Variants in VANGL2 observed in about 807,000 individuals in gnomAD.
VANGL2 encodes vang-like protein 2.
Under a neutral mutation model 50.2 loss-of-function variants are expected in VANGL2, and 14 were observed. That is an observed-to-expected ratio of 0.28 (90% CI 0.18 to 0.44). The LOEUF (loss-of-function observed/expected upper bound fraction) is 0.44, where lower values mean the gene tolerates loss of function less well. Ranked by LOEUF, VANGL2 falls within the 20% of genes least tolerant of loss-of-function variation. The probability of loss-of-function intolerance (pLI) is 1.00; values close to 1 mark genes in which losing one functional copy is unlikely to be tolerated. For synonymous variants in VANGL2, 295 were observed against 297.2 expected (o/e 0.99, Z 0.08); for missense variants, 533 against 701.5 (o/e 0.76, Z 2.71).
chr1:160,424,047 C>T lies in VANGL2; in HGVS notation c.1074-5C>T. ...CATCTGGCCCAGTCCCCTCCTGTCC[C>T]CTAGGCTTGTAGTGGCGGTGGAGGA... On this transcript the variant is annotated splice_region_variant and splice_polypyrimidine_tract_variant and intron_variant, in intron 6 of 7. Coordinates refer to ENST00000368061, the MANE Select transcript of VANGL2 (RefSeq NM_020335.3). 6.2e-7 allele frequency: 1 copy of T among 1,613,948 alleles called. No individual in the cohort carries two copies. Among genetic ancestry groups the T allele is most frequent in the East Asian group, 2.2e-5 (1 of 44,884 alleles).
Position 160,407,019 on chromosome 1 carries a change from C to T in VANGL2, c.-191+6150C>T, listed in dbSNP as rs532999546. On this transcript the variant is annotated intron_variant, in intron 1 of 7. Coordinates refer to ENST00000368061, the MANE Select transcript of VANGL2 (RefSeq NM_020335.3). ...CTGGGATCACAGGCGTGAGCCACCA[C>T]GCCCGGCCCAGGGGGTCTGGTTTTT... Among the ~76,000 whole-genome samples, 8 of 152,180 alleles carry T rather than the reference C, an allele frequency of 5.3e-5. No individual in the cohort carries two copies. The East Asian group carries it at 5.8e-4, about 11-fold the overall frequency.
rs367760312 is a variant in VANGL2 at position 160,425,412 on chromosome 1, G to A, written c.*34G>A. The A allele has an allele frequency of 2.1e-6, 3 of 1,447,178 alleles. No homozygotes were observed. Among genetic ancestry groups the A allele is most frequent in the Non-Finnish European group, 1.9e-6 (2 of 1,077,600 alleles). The allele number at this position is 1,447,178 out of a possible 1,614,324, so 89.6% of individuals were successfully genotyped here. A position where few individuals can be genotyped will look rare whatever the true frequency, so the allele number is the denominator to read the frequency against. ...CAGCAGGGGGAGTGGGAAACTCTGG[G>A]GGGTCCTGAGGGGGTGGGAGGGGGC... On this transcript the variant is annotated 3_prime_UTR_variant, in exon 8 of 8. Transcript: ENST00000368061.
At chr1:160,420,797 C>T (rs1330685672) in intron 5 of VANGL2, among the ~76,000 whole-genome samples, 3 of 152,216 alleles carry the variant, frequency 2.0e-5, no homozygotes, top group Admixed American at 6.5e-5. Flanking sequence ...GGTCTAAGCC[C>T]TTTGGCTCTC....
chr1:160,425,042 G>T, intron 7 of VANGL2, 76 bp from the exon 8 acceptor site: 1 of 1,610,294 alleles, frequency 6.2e-7, no homozygotes, highest in Non-Finnish European at 8.5e-7. Context: ...CTTGTCTTTG[G>T]AAACTATGAC....
Position 160,426,932 on chromosome 1 carries a change from G to T in VANGL2, c.*1554G>T, listed in dbSNP as rs1651475131. 6.6e-6 allele frequency: 1 copy of T among 152,362 alleles called. No homozygotes were observed. 9.4% of individuals were successfully genotyped at this position (152,362 alleles called of 1,614,324 possible). Reference sequence around the variant, plus strand: ...AGATCCCCAGTGTCTCCCCTGGGAGGCTCCCCCTCTGTGTAGCACCAGCCC... The same window carrying T: ...AGATCCCCAGTGTCTCCCCTGGGAGTCTCCCCCTCTGTGTAGCACCAGCCC... On this transcript the variant is annotated 3_prime_UTR_variant, in exon 8 of 8. Transcript: ENST00000368061.
chr1:160,420,343 T>C, intron 4 of VANGL2, 68 bp from the exon 5 acceptor site: 1 of 1,603,692 alleles, frequency 6.2e-7, no homozygotes, highest in Non-Finnish European at 8.5e-7. Context: ...CCTGCCCTAA[T>C]GTGTCCCTTT....
At chr1:160,413,020 G>A (rs1330787875) in intron 1 of VANGL2, among the ~76,000 whole-genome samples, 1 of 152,138 alleles carries the variant, frequency 6.6e-6, no homozygotes, top group East Asian at 1.9e-4. Context: ...GTGTGTAGTA[G>A]GCTATACCGT....
intron 1 of VANGL2, among the ~76,000 whole-genome samples, chr1:160,408,747 A>G (rs2101950993): frequency 6.6e-6 from 1 of 152,224 alleles, no homozygotes; most frequent in South Asian, 2.1e-4. Flanking sequence ...CCCTCAGCCC[A>G]CCAAGATACA....
At position 160,421,146 on chromosome 1, in the gene VANGL2, G is replaced by A; in HGVS notation, c.1032G>A (p.Glu344=). 1 of 1,614,068 alleles carries A rather than the reference G, an allele frequency of 6.2e-7. No homozygotes were observed. The part of the protein sequence containing the change: ...RDNSHNEYYY[E]EAEHERRVRK... ...ACAGTCACAATGAGTACTACTATGA[G>A]GAGGCTGAGCATGAGCGAAGGGTGC... The change falls in exon 6 of 8, where the codon GAG becomes GAA. Residue 344 remains glutamate (E), a synonymous_variant. Coordinates refer to ENST00000368061, the MANE Select transcript of VANGL2 (RefSeq NM_020335.3).
chr1:160,427,107 G>T lies in VANGL2; in HGVS notation c.*1729G>T, dbSNP rs1414803731. 6.5e-6 allele frequency: 1 copy of T among 152,760 alleles called. No homozygotes were observed. The highest frequency in any genetic ancestry group is 1.5e-5 in the Non-Finnish European group (1 of 68,118). The allele number at this position is 152,760 out of a possible 1,614,324, so 9.5% of individuals were successfully genotyped here. On this transcript the variant is annotated 3_prime_UTR_variant, in exon 8 of 8. Coordinates refer to ENST00000368061, the MANE Select transcript of VANGL2 (RefSeq NM_020335.3). ...TGGGTTGTGGAGCTCACTTAGGCAG[G>T]GCCTCTGGCTGGGGCCAGGGTTATG...
chr1:160,415,010 TA>T (rs1651005370), intron 1 of VANGL2, among the ~76,000 whole-genome samples: 1 of 152,146 alleles, frequency 6.6e-6, no homozygotes, highest in South Asian at 2.1e-4. Flanking sequence ...CCTACCATAT[TA>T]TCCATAGTTT....
intron 1 of VANGL2, among the ~76,000 whole-genome samples, chr1:160,402,665 T>G (rs1650514128): frequency 6.6e-6 from 1 of 152,034 alleles, no homozygotes; most frequent in Admixed American, 6.5e-5. Context: ...AGTGTCTGTG[T>G]GTCGGGAAAG....
chr1:160,424,272 A>C lies in VANGL2; in HGVS notation c.1294A>C (p.Met432Leu), dbSNP rs767299238. The change falls in exon 7 of 8, where the codon ATG becomes CTG. Residue 432 changes from methionine to leucine, a missense_variant. Physicochemically the swap from Met to Leu is conservative, Grantham distance 15. Coordinates refer to ENST00000368061, the MANE Select transcript of VANGL2 (RefSeq NM_020335.3). ...QHLEFCITHD[M>L]TPKAFLERYL... The stretch of plus-strand genomic sequence containing the variant: ...CCTTGAATTCTGCATCACGCATGAC[A>C]TGACGCCCAAGGTAGGCCTGCCCTG... 56 of 1,613,988 alleles carry C rather than the reference A, an allele frequency of 3.5e-5. No homozygotes were observed. Among genetic ancestry groups the C allele is most frequent in the Non-Finnish European group, 4.7e-5 (55 of 1,179,998 alleles).
intron 1 of VANGL2, among the ~76,000 whole-genome samples, chr1:160,403,285 G>A (rs1381990012): frequency 6.6e-6 from 1 of 152,060 alleles, no homozygotes. Flanking sequence ...TGTATACGCT[G>A]ATCACATGCA....
chr1:160,404,681 C>T (rs1037901147), intron 1 of VANGL2, among the ~76,000 whole-genome samples: 2 of 152,212 alleles, frequency 1.3e-5, no homozygotes, highest in African/African-American at 4.8e-5. Flanking sequence ...TTGAATCTGG[C>T]TTCCTTCGCT....
At chr1:160,417,206 A>G (rs1043630774) in intron 3 of VANGL2, among the ~76,000 whole-genome samples, 2 of 152,068 alleles carry the variant, frequency 1.3e-5, no homozygotes, top group South Asian at 2.1e-4. Flanking sequence ...CTATCTTCAC[A>G]TCAGACTCGT....
chr1:160,415,887 C>T lies in VANGL2; in HGVS notation c.50C>T (p.Ser17Phe). 1 of 1,614,118 alleles carries T rather than the reference C, an allele frequency of 6.2e-7. No individual in the cohort carries two copies. Among genetic ancestry groups the T allele is most frequent in the Non-Finnish European group, 8.5e-7 (1 of 1,180,020 alleles). Residue 17 changes from serine to phenylalanine, a missense_variant, in exon 2 of 8, where the codon TCC becomes TTC. By Grantham distance (155) the Ser-to-Phe change is radical. Coordinates refer to ENST00000368061, the MANE Select transcript of VANGL2 (RefSeq NM_020335.3). Reference sequence around the variant, plus strand: ...GGCTATTCCTACAAGTCGGGCCACTCCCGCAGCTCCCGCAAGCACAGGTGG... The same window carrying T: ...GGCTATTCCTACAAGTCGGGCCACTTCCGCAGCTCCCGCAAGCACAGGTGG... ...YSGYSYKSGHSRSSRKHRDRR... is the reference protein window; with the variant it reads ...YSGYSYKSGHFRSSRKHRDRR...
chr1:160,420,498 C>T lies in VANGL2; in HGVS notation c.888C>T (p.Ser296=), dbSNP rs1485699398. 3 of 1,614,164 alleles carry T rather than the reference C, an allele frequency of 1.9e-6. No individual in the cohort carries two copies. Among genetic ancestry groups the T allele is most frequent in the Admixed American group, 1.7e-5 (1 of 60,032 alleles). ...YNPALLNLPK[S]VLAKKVSGFK... ...CTGCCCTCCTCAACCTGCCCAAGTC[C>T]GTCCTGGCCAAGAAAGTGTCTGGCT... Residue 296 remains serine, a synonymous_variant, in exon 5 of 8, where the codon TCC becomes TCT. Transcript: ENST00000368061.
At chr1:160,407,629 C>G (rs1650724248) in intron 1 of VANGL2, among the ~76,000 whole-genome samples, 1 of 152,184 alleles carries the variant, frequency 6.6e-6, no homozygotes, top group Non-Finnish European at 1.5e-5. Flanking sequence ...GGGCCAGGGA[C>G]AGTTGGGGCC....
Sources: allele counts gnomAD v4.1 joint callset (sites outside exome capture counted in the v4.1 genomes callset), GRCh38; gene constraint gnomAD v4.1.1; transcripts MANE v1.5; gene names NCBI Gene and HGNC (gene_info 2026-07-23, HGNC 2026-07-21).